RHBDL3: variants seen among roughly 807,000 people sequenced by gnomAD.
The protein encoded by RHBDL3 is rhomboid like 3, also known as rhomboid-related protein 3.
In RHBDL3, 28 loss-of-function variants were observed where a neutral mutation model predicts 48.2. The ratio of observed to expected loss-of-function variants is 0.58; its 90% CI spans 0.43 to 0.80. RHBDL3 has a LOEUF of 0.80. Ranked by LOEUF, RHBDL3 falls within the 30% of genes least tolerant of loss-of-function variation. The pLI is 0.00. For missense variants in RHBDL3, 464 were observed against 542.7 expected (o/e 0.85, Z 1.44); for synonymous variants, 208 against 232.3 (o/e 0.90, Z 0.95).
At chr17:32,320,087 G>GT (rs2041087129) in intron 8 of RHBDL3, among the ~76,000 whole-genome samples, 2 of 151,858 alleles carry the variant, frequency 1.3e-5, no homozygotes, top group South Asian at 4.2e-4. Context: ...GAGCAACATA[G>GT]TAAGACCTCA....
At chr17:32,285,330 G>T (rs1464970434) in intron 3 of RHBDL3, among the ~76,000 whole-genome samples, 1 of 152,184 alleles carries the variant, frequency 6.6e-6, no homozygotes, top group Non-Finnish European at 1.5e-5. Flanking sequence ...CTGAGAGTGG[G>T]GTCAGTTACG....
At position 32,269,478 on chromosome 17, in the gene RHBDL3, T is replaced by C. The variant is rs185405583; in HGVS notation, c.135+1553T>C. On this transcript the variant is annotated intron_variant, in intron 2 of 8. Coordinates refer to ENST00000269051, the MANE Select transcript of RHBDL3 (RefSeq NM_138328.3). ...CGGAGTGGGCGTGATGACACGGAAT[T>C]GCAGCGCGAAAGGCCTGGGGTGAGG... Among the ~76,000 whole-genome samples, 11 of 152,352 alleles carry C rather than the reference T, an allele frequency of 7.2e-5. No individual in the cohort carries two copies. In the East Asian group the frequency reaches 2.1e-3, roughly 29 times the overall value.
chr17:32,281,385 G>T (rs1490370320), intron 2 of RHBDL3, among the ~76,000 whole-genome samples: 3 of 152,044 alleles, frequency 2.0e-5, no homozygotes, highest in Admixed American at 6.5e-5. Flanking sequence ...CCTAGGAGGG[G>T]ATTGGTGCTT....
At chr17:32,281,500 G>T (rs1054102104) in intron 2 of RHBDL3, among the ~76,000 whole-genome samples, 2 of 151,950 alleles carry the variant, frequency 1.3e-5, no homozygotes, top group African/African-American at 4.8e-5. Context: ...GCCCCCACTG[G>T]GGGGCTCCCC....
chr17:32,288,679 G>C (rs1597641691), intron 3 of RHBDL3, 113 bp from the exon 4 acceptor site: 1 of 703,242 alleles, frequency 1.4e-6, no homozygotes, highest in African/African-American at 1.8e-5. Context: ...AATTATAGGA[G>C]AAAGGGAAAT....
intron 4 of RHBDL3, among the ~76,000 whole-genome samples, chr17:32,291,676 T>C (rs570928123): frequency 5.9e-5 from 9 of 151,988 alleles, no homozygotes; most frequent in Admixed American, 4.6e-4. Context: ...ACAAGACTCT[T>C]ATTTCAAAAC....
chr17:32,300,554 A>T (rs540474636), intron 6 of RHBDL3, among the ~76,000 whole-genome samples: 12 of 152,088 alleles, frequency 7.9e-5, no homozygotes, highest in African/African-American at 2.9e-4. Flanking sequence ...AACCTGTCTC[A>T]AAAAAGAAAA....
At position 32,316,260 on chromosome 17, in the gene RHBDL3, A is replaced by G. The variant is rs1244118601; in HGVS notation, c.911A>G (p.Lys304Arg). 4 of 1,614,002 alleles carry G rather than the reference A, an allele frequency of 2.5e-6. No individual in the cohort carries two copies. The South Asian group carries it at 3.3e-5, about 13-fold the overall frequency. ...MNWSGMKCQF[K>R]LLRMAVALIC... The stretch of plus-strand genomic sequence containing the variant: ...TGGTCAGGCATGAAGTGCCAGTTCA[A>G]GCTGCTGCGGATGGCTGTGGCCCTT... Residue 304 changes from lysine to arginine, a missense_variant, in exon 8 of 9, where the codon AAG becomes AGG. Lys to Arg is a conservative substitution (Grantham distance 26, BLOSUM62 2). Transcript: ENST00000269051.
chr17:32,268,148 T>C (rs914719655), intron 2 of RHBDL3, among the ~76,000 whole-genome samples: 2 of 152,120 alleles, frequency 1.3e-5, no homozygotes, highest in African/African-American at 2.4e-5. Context: ...CTCCCTACTC[T>C]GCTGCACCAG....
At chr17:32,311,681 G>A (rs141435100) in intron 7 of RHBDL3, among the ~76,000 whole-genome samples, 328 of 152,234 alleles carry the variant, frequency 2.2e-3, no homozygotes, top group African/African-American at 6.9e-3. Flanking sequence ...CTCATAAAGC[G>A]GGCCTGGGAG....
At chr17:32,277,733 G>A (rs2039948686) in intron 2 of RHBDL3, among the ~76,000 whole-genome samples, 1 of 152,240 alleles carries the variant, frequency 6.6e-6, no homozygotes, top group East Asian at 1.9e-4. Context: ...GTTCACCAAA[G>A]GGAAACGTGA....
intron 2 of RHBDL3, among the ~76,000 whole-genome samples, chr17:32,283,053 T>TG (rs2040096383): frequency 6.6e-6 from 1 of 151,952 alleles, no homozygotes; most frequent in African/African-American, 2.4e-5. Flanking sequence ...GGCGAAAACG[T>TG]GGGTTTGGTA....
chr17:32,280,827 A>G (rs1029286875), intron 2 of RHBDL3: 1 of 152,346 alleles, frequency 6.6e-6, no homozygotes, highest in Non-Finnish European at 1.5e-5. Flanking sequence ...CTGTGCACTC[A>G]TGCTCTCTCT....
intron 1 of RHBDL3, chr17:32,267,674 C>CCCCCCGA: frequency 1.2e-6 from 1 of 862,948 alleles, no homozygotes; most frequent in Non-Finnish European, 1.5e-6. Context: ...GCCCCCACCC[C>CCCCCCGA]ATCCCTTACT....
At chr17:32,318,384 CCCAGCACTT>C (rs1348606251) in intron 8 of RHBDL3, among the ~76,000 whole-genome samples, 8 of 112,570 alleles carry the variant, frequency 7.1e-5, no homozygotes, top group Middle Eastern at 4.3e-3. Context: ...CGCCTGTACT[CCCAGCACTT>C]TGAGAGGCCA....
intron 7 of RHBDL3, among the ~76,000 whole-genome samples, chr17:32,307,425 CCTTATCAAT>C (rs2040737192): frequency 6.6e-6 from 1 of 152,196 alleles, no homozygotes; most frequent in African/African-American, 2.4e-5. Context: ...TGTTTTTCTT[CCTTATCAAT>C]CTCTCTGTCA....
In RHBDL3 at chr17:32,267,941, A is replaced by G. The variant is rs907161308; in HGVS notation, c.135+16A>G. 3 of 1,588,842 alleles carry G rather than the reference A, an allele frequency of 1.9e-6. No homozygotes were observed. Among genetic ancestry groups the G allele is most frequent in the Non-Finnish European group, 2.6e-6 (3 of 1,157,346 alleles). ...GTTTGATCAGGTATGTGAGCAGTTA[A>G]CCCCCCATTTCCTTCCAGCCCTCCC... On this transcript the variant is annotated intron_variant, in intron 2 of 8. Coordinates refer to ENST00000269051, the MANE Select transcript of RHBDL3 (RefSeq NM_138328.3).
At chr17:32,275,686 C>T (rs2039880804) in intron 2 of RHBDL3, among the ~76,000 whole-genome samples, 1 of 152,166 alleles carries the variant, frequency 6.6e-6, no homozygotes, top group Non-Finnish European at 1.5e-5. Context: ...GCCTGGCTGC[C>T]CCATCCTAGG....
intron 4 of RHBDL3, among the ~76,000 whole-genome samples, chr17:32,292,603 G>A (rs1219551850): frequency 1.3e-5 from 2 of 151,890 alleles, no homozygotes; most frequent in South Asian, 2.1e-4. Flanking sequence ...TCGGGAGTTC[G>A]AGATAGCCTG....
Sources: gnomAD v4.1 joint callset for allele counts (sites outside exome capture counted in the v4.1 genomes callset) on GRCh38, gnomAD v4.1.1 for gene constraint, MANE v1.5 for transcripts, NCBI Gene and HGNC (gene_info 2026-07-23, HGNC 2026-07-21) for gene names.